SYK: variants seen among roughly 807,000 people sequenced by gnomAD.
SYK encodes tyrosine-protein kinase SYK.
SYK carries 16 observed loss-of-function variants against 77.8 expected under a neutral mutation model. The ratio of observed to expected loss-of-function variants is 0.21; its 90% confidence interval spans 0.14 to 0.31. SYK has a LOEUF of 0.31. SYK is among the 10% of genes least tolerant of loss of function. SYK has a pLI of 1.00. For missense variants in SYK, 529 were observed against 814.4 expected, an observed-to-expected ratio of 0.65 and a Z score of 4.26; for synonymous variants, 312 against 308.7, an observed-to-expected ratio of 1.01 and a Z score of -0.11.
In SYK at chr9:90,897,123, A is replaced by G. The variant is rs972181614; in HGVS notation, c.*1523A>G. On this transcript the variant is annotated 3_prime_UTR_variant, in exon 14 of 14. Transcript: ENST00000375754. Reference sequence around the variant, plus strand: ...CTTGGACCCATCTGGTCTTCAGCTAAACCTGAGACATTTTAAAGTGCATGG... The same window carrying G: ...CTTGGACCCATCTGGTCTTCAGCTAGACCTGAGACATTTTAAAGTGCATGG... The G allele has an allele frequency of 8.7e-6, 2 of 229,298 alleles. No individual in the cohort carries two copies. The highest frequency in any genetic ancestry group is 1.7e-5 in the Non-Finnish European group (2 of 115,644). The allele number at this position is 229,298 out of a possible 1,614,324, so 14.2% of individuals were successfully genotyped here. A position where few individuals can be genotyped will look rare whatever the true frequency, so the allele number is the denominator to read the frequency against.
At chr9:90,879,375 A>C (rs1237590189) in intron 11 of SYK, among the ~76,000 whole-genome samples, 2 of 152,236 alleles carry the variant, frequency 1.3e-5, no homozygotes, top group Non-Finnish European at 2.9e-5. Flanking sequence ...CTCAAACCAG[A>C]TTCATCCATG....
intron 3 of SYK, among the ~76,000 whole-genome samples, chr9:90,851,918 A>C (rs1826839066): frequency 6.6e-6 from 1 of 152,256 alleles, no homozygotes; most frequent in Non-Finnish European, 1.5e-5. Flanking sequence ...GACTAAGGAA[A>C]AAAATTCAAT....
chr9:90,811,573 A>G lies in SYK; in HGVS notation c.-42+9680A>G, dbSNP rs564824013. ...CATACACCAAATATAACAATGTCCAAGTTCTACTAGTGAAAAAGCAAGATG... is the reference window on the plus strand; with the variant it reads ...CATACACCAAATATAACAATGTCCAGGTTCTACTAGTGAAAAAGCAAGATG... On this transcript the variant is annotated intron_variant, in intron 1 of 13. Coordinates refer to ENST00000375754, the MANE Select transcript of SYK (RefSeq NM_003177.7). Among the ~76,000 whole-genome samples, 18 of 152,326 alleles carry G rather than the reference A, an allele frequency of 1.2e-4. No individual in the cohort carries two copies. In the South Asian group the frequency reaches 2.7e-3, roughly 23 times the overall value.
At chr9:90,845,755 C>T (rs1826569428) in intron 3 of SYK, among the ~76,000 whole-genome samples, 161 bp downstream of exon 3, 1 of 152,208 alleles carries the variant, frequency 6.6e-6, no homozygotes, top group African/African-American at 2.4e-5. Flanking sequence ...ACATTTCTAA[C>T]CAAAGCTATC....
At position 90,844,072 on chromosome 9, in the gene SYK, G is replaced by A. The variant is rs766529960; in HGVS notation, c.174G>A (p.Gly58=). The change falls in exon 2 of 14, where the codon GGG becomes GGA. Residue 58 remains glycine (G), a synonymous_variant. Transcript: ENST00000375754. ...LGGFALSVAH[G]RKAHHYTIER... is the part of the protein sequence containing the mutation. ...GCTTCGCCCTGTCCGTGGCCCACGG[G>A]AGGAAGGCACACCACTACACCATCG... 9 of 1,612,566 alleles carry A rather than the reference G, an allele frequency of 5.6e-6. No homozygotes were observed. The South Asian group carries it at 8.8e-5, about 16-fold the overall frequency.
intron 11 of SYK, among the ~76,000 whole-genome samples, chr9:90,885,575 C>T (rs1171749742): frequency 6.6e-6 from 1 of 152,130 alleles, no homozygotes; most frequent in East Asian, 1.9e-4. Flanking sequence ...TCAGTGTCCC[C>T]AAGGGTGAAG....
At chr9:90,815,581 C>T (rs183929713) in intron 1 of SYK, among the ~76,000 whole-genome samples, 160 of 152,378 alleles carry the variant, frequency 1.1e-3, no homozygotes, top group African/African-American at 3.6e-3. Context: ...AGGGGAGCTT[C>T]GCCCCACCAC....
chr9:90,884,836 T>C (rs560755869), intron 11 of SYK, among the ~76,000 whole-genome samples: 1 of 72,664 alleles, frequency 1.4e-5, no homozygotes, highest in African/African-American at 5.3e-5. Flanking sequence ...TATGTGTGTA[T>C]ATACATATAC....
intron 3 of SYK, among the ~76,000 whole-genome samples, chr9:90,859,691 C>T (rs1050649164): frequency 6.6e-6 from 1 of 152,140 alleles, no homozygotes; most frequent in South Asian, 2.1e-4. Context: ...AGTGGGTGAG[C>T]CCATTTATGC....
At chr9:90,880,060 T>C (rs1200920834) in intron 11 of SYK, among the ~76,000 whole-genome samples, 1 of 152,236 alleles carries the variant, frequency 6.6e-6, no homozygotes, top group Non-Finnish European at 1.5e-5. Context: ...TGCTAGTCTC[T>C]GGTGAAGTCC....
At chr9:90,820,098 T>G (rs1167688658) in intron 1 of SYK, among the ~76,000 whole-genome samples, 2 of 152,222 alleles carry the variant, frequency 1.3e-5, no homozygotes. Context: ...ATGCAAGAGA[T>G]GGGTTCCCAT....
intron 7 of SYK, among the ~76,000 whole-genome samples, chr9:90,873,141 G>C (rs963727717): frequency 6.6e-6 from 1 of 152,164 alleles, no homozygotes; most frequent in Non-Finnish European, 1.5e-5. Flanking sequence ...TCATTATTCT[G>C]CTTTTGGTTT....
chr9:90,872,453 A>G (rs1232925224), intron 7 of SYK, among the ~76,000 whole-genome samples: 1 of 152,246 alleles, frequency 6.6e-6, no homozygotes, highest in African/African-American at 2.4e-5. Context: ...TAAAAAAAAT[A>G]AAACTATTTT....
intron 1 of SYK, among the ~76,000 whole-genome samples, chr9:90,818,313 A>C (rs1825371160): frequency 6.6e-6 from 1 of 152,248 alleles, no homozygotes; most frequent in South Asian, 2.1e-4. Flanking sequence ...CAATGGTTAA[A>C]AATCAACAAA....
intron 6 of SYK, among the ~76,000 whole-genome samples, chr9:90,865,417 C>T (rs770877715): frequency 4.6e-5 from 7 of 152,070 alleles, no homozygotes; most frequent in Non-Finnish European, 8.8e-5. Flanking sequence ...AAGCCATTCT[C>T]ATGCCTCAGC....
chr9:90,891,424 C>T (rs1490122583), intron 13 of SYK, among the ~76,000 whole-genome samples: 1 of 152,090 alleles, frequency 6.6e-6, no homozygotes, highest in Non-Finnish European at 1.5e-5. Context: ...TTTTTTACTG[C>T]ACACGTGGCA....
chr9:90,868,050 T>C (rs1716825072), intron 7 of SYK, among the ~76,000 whole-genome samples: 2 of 152,196 alleles, frequency 1.3e-5, no homozygotes, highest in Non-Finnish European at 2.9e-5. Context: ...ATAGATTGCC[T>C]AAAGTATTTA....
chr9:90,823,272 A>G (rs1237412495), intron 1 of SYK, among the ~76,000 whole-genome samples: 1 of 152,250 alleles, frequency 6.6e-6, no homozygotes, highest in African/African-American at 2.4e-5. Context: ...AAACACTGGT[A>G]AGACTGAAAG....
rs201761264 is a variant in SYK at position 90,898,189 on chromosome 9, G to A, written c.*2589G>A. Reference sequence around the variant, plus strand: ...TGGCATCACACTGGCTAGTGAGGCCGTGAATATCTTGTCCCCCAGCAGGGC... The same window carrying A: ...TGGCATCACACTGGCTAGTGAGGCCATGAATATCTTGTCCCCCAGCAGGGC... On this transcript the variant is annotated 3_prime_UTR_variant, in exon 14 of 14. Transcript: ENST00000375754. 8 of 230,600 alleles carry A rather than the reference G, an allele frequency of 3.5e-5. No homozygotes were observed. The highest frequency in any genetic ancestry group is 6.1e-5 in the East Asian group (1 of 16,274). The allele number at this position is 230,600 out of a possible 1,614,324, so 14.3% of individuals were successfully genotyped here.
Sources: allele counts gnomAD v4.1 joint callset (sites outside exome capture counted in the v4.1 genomes callset), GRCh38; gene constraint gnomAD v4.1.1; transcripts MANE v1.5; gene names NCBI Gene and HGNC (gene_info 2026-07-23, HGNC 2026-07-21).